Variants in FAM171A1 observed in about 807,000 individuals in gnomAD.
FAM171A1 encodes the protein family with sequence similarity 171 member A1.
Under a neutral mutation model 74.9 loss-of-function variants are expected in FAM171A1, and 23 were observed. That is an observed-to-expected ratio of 0.31 (90% CI 0.22 to 0.44). The LOEUF (loss-of-function observed/expected upper bound fraction) is 0.44, where lower values mean the gene tolerates loss of function less well. Ranked by LOEUF, FAM171A1 falls within the 20% of genes least tolerant of loss-of-function variation. The pLI is 1.00. For missense variants in FAM171A1, 1,162 were observed against 1,159.2 expected (o/e 1.00, Z -0.03); for synonymous variants, 527 against 505.7 (o/e 1.04, Z -0.57).
At chr10:15,274,187 T>A (rs1834863780) in intron 3 of FAM171A1, among the ~76,000 whole-genome samples, 1 of 152,106 alleles carries the variant, frequency 6.6e-6, no homozygotes, top group African/African-American at 2.4e-5. Context: ...TTCAGTAAAG[T>A]CTCAGGACAC....
chr10:15,300,716 A>C (rs79366488), intron 1 of FAM171A1, among the ~76,000 whole-genome samples: 32,749 of 151,360 alleles, frequency 0.22, 3,881 homozygotes, highest in Non-Finnish European at 0.27. Context: ...TTTCTGGCTT[A>C]CTGCTCTGAA....
At position 15,214,029 on chromosome 10, in the gene FAM171A1, T is replaced by C. The variant is rs760487071; in HGVS notation, c.1559A>G (p.Tyr520Cys). 64 of 1,613,988 alleles carry C rather than the reference T, an allele frequency of 4.0e-5. No homozygotes were observed. The highest frequency in any genetic ancestry group is 5.1e-5 in the Non-Finnish European group (60 of 1,180,032). ...TTTCTCAGGTGATGAAGGCGCGGGG[T>C]ACAGATGTTCCTGAATGGTGAGTTT... ...GSKLTIQEHL[Y>C]PAPSSPEKEQ... Residue 520 changes from tyrosine (Y) to cysteine (C), a missense_variant, in exon 8 of 8, where the codon TAC (tyrosine) becomes TGC (cysteine). Tyr to Cys is a radical substitution (Grantham distance 194). Transcript: ENST00000378116.
At chr10:15,322,704 T>G (rs1835500859) in intron 1 of FAM171A1, among the ~76,000 whole-genome samples, 1 of 152,242 alleles carries the variant, frequency 6.6e-6, no homozygotes, top group Non-Finnish European at 1.5e-5. Context: ...TGGGGTCATT[T>G]TGGTAAATTC....
chr10:15,318,964 C>T (rs964150137), intron 1 of FAM171A1, among the ~76,000 whole-genome samples: 1 of 152,154 alleles, frequency 6.6e-6, no homozygotes, highest in African/African-American at 2.4e-5. Flanking sequence ...TGAGAGGGGA[C>T]CAAAGGAGGA....
In FAM171A1 at chr10:15,213,124, GACTCGACC is replaced by G; in HGVS notation, c.2456_2463del (p.Gly819AlafsTer43). On this transcript the variant is annotated frameshift_variant, in exon 8 of 8. Transcript: ENST00000378116. LOFTEE classifies it high-confidence loss of function. The surrounding 1 kb of genome is among the most constrained non-coding windows in gnomAD (Gnocchi z 6.8). ...CTGGGCAGCTGGCCACCACTTCTCCGACTCGACCCCTCCAACAAGCATCGCAGGGCACT... is the reference window on the plus strand; with the variant it reads ...CTGGGCAGCTGGCCACCACTTCTCCGCCTCCAACAAGCATCGCAGGGCACT... 1 of 1,613,882 alleles carries G rather than the reference GACTCGACC, an allele frequency of 6.2e-7. No individual in the cohort carries two copies. Among genetic ancestry groups the G allele is most frequent in the Non-Finnish European group, 8.5e-7 (1 of 1,179,930 alleles).
intron 5 of FAM171A1, among the ~76,000 whole-genome samples, chr10:15,222,043 C>T (rs1237210772): frequency 6.6e-6 from 1 of 152,176 alleles, no homozygotes; most frequent in East Asian, 1.9e-4. Flanking sequence ...TGCTCTGAGG[C>T]CTGCGATGGC....
chr10:15,279,638 G>A (rs890673563), intron 2 of FAM171A1, among the ~76,000 whole-genome samples: 12 of 152,108 alleles, frequency 7.9e-5, no homozygotes, highest in Admixed American at 2.6e-4. Context: ...GAAGTTTGCC[G>A]GCCAGGCTTG....
At chr10:15,304,527 C>T (rs1296180284) in intron 1 of FAM171A1, among the ~76,000 whole-genome samples, 1 of 152,140 alleles carries the variant, frequency 6.6e-6, no homozygotes, top group East Asian at 1.9e-4. Context: ...TTAGCCAACC[C>T]TAAACCTGCT....
chr10:15,346,137 G>C lies in FAM171A1; in HGVS notation c.97+24819C>G, dbSNP rs570766348. ...GTTTGTTTAGAGACAGGGTTGTCTT[G>C]TCACCTAGGCTGGAATGCAGTGATC... On this transcript the variant is annotated intron_variant, in intron 1 of 7. Transcript: ENST00000378116. Among the ~76,000 whole-genome samples the C allele has an allele frequency of 1.1e-3, 168 of 152,266 alleles. No homozygotes were observed. The Middle Eastern group carries it at 0.017, about 15-fold the overall frequency.
At chr10:15,283,132 G>A (rs1564632255) in intron 2 of FAM171A1, among the ~76,000 whole-genome samples, 1 of 152,104 alleles carries the variant, frequency 6.6e-6, no homozygotes, top group East Asian at 1.9e-4. Flanking sequence ...TAGGGAGAGG[G>A]AGTTACAGAG....
intron 1 of FAM171A1, among the ~76,000 whole-genome samples, chr10:15,339,087 C>A (rs544963198): frequency 3.9e-5 from 6 of 152,094 alleles, no homozygotes; most frequent in African/African-American, 1.4e-4. Context: ...TTTTTAAGCT[C>A]GTAAATGACT....
At chr10:15,301,532 C>T (rs1174607984) in intron 1 of FAM171A1, among the ~76,000 whole-genome samples, 1 of 152,024 alleles carries the variant, frequency 6.6e-6, no homozygotes, top group African/African-American at 2.4e-5. Context: ...TAGTGAATAG[C>T]TATGCAAGAC....
intron 1 of FAM171A1, among the ~76,000 whole-genome samples, chr10:15,349,612 G>A (rs773103294): frequency 2.0e-5 from 3 of 152,102 alleles, no homozygotes; most frequent in Non-Finnish European, 2.9e-5. Context: ...TCACTCCTAT[G>A]CCATCAGAAG....
At chr10:15,254,956 T>C in intron 3 of FAM171A1, 77 bp from the exon 4 acceptor site, 1 of 1,439,122 alleles carries the variant, frequency 6.9e-7, no homozygotes, top group South Asian at 1.2e-5. Context: ...AGGAAGTGCC[T>C]CTCTAAGGTT....
chr10:15,295,310 A>C (rs1426680431), intron 1 of FAM171A1, among the ~76,000 whole-genome samples: 1 of 152,158 alleles, frequency 6.6e-6, no homozygotes, highest in East Asian at 1.9e-4. Flanking sequence ...AAACGATAGG[A>C]TGCATTTAGT....
At position 15,248,648 on chromosome 10, in the gene FAM171A1, G is replaced by C; in HGVS notation, c.745C>G (p.Gln249Glu). Residue 249 changes from glutamine to glutamate, a missense_variant, in exon 5 of 8, where the codon CAG (glutamine) becomes GAG (glutamate). Coordinates refer to ENST00000378116, the MANE Select transcript of FAM171A1 (RefSeq NM_001010924.2). The stretch of plus-strand genomic sequence containing the variant: ...CAGAACTCTTGCTTACCCAGCTTCT[G>C]GTCAAACCGCCACGCCGCGACATAG... ...NAYVAAWRFD[Q>E]KLGTWLKSGL... 6.2e-7 allele frequency: 1 copy of C among 1,604,926 alleles called. No individual in the cohort carries two copies. The highest frequency in any genetic ancestry group is 1.1e-5 in the South Asian group (1 of 89,252).
In FAM171A1 at chr10:15,212,601, G is replaced by A. The variant is rs143835228; in HGVS notation, c.*314C>T. 13 of 373,748 alleles carry A rather than the reference G, an allele frequency of 3.5e-5. No individual in the cohort carries two copies. In the Admixed American group the frequency reaches 5.0e-4, roughly 15 times the overall value. The allele number at this position is 373,748 out of a possible 1,614,324, so 23.2% of individuals were successfully genotyped here. ...AATCCGAGGGAGAACTGAGGTGATC[G>A]TTAGAGCATAGCGACATCACGTGCG... On this transcript the variant is annotated 3_prime_UTR_variant, in exon 8 of 8. Transcript: ENST00000378116.
chr10:15,221,796 C>T lies in FAM171A1; in HGVS notation c.755-736G>A, dbSNP rs577025810. Among the ~76,000 whole-genome samples the T allele has an allele frequency of 3.8e-4, 58 of 152,232 alleles. 1 individual carries two copies. In the South Asian group the frequency reaches 4.0e-3, roughly 10 times the overall value. On this transcript the variant is annotated intron_variant, in intron 5 of 7. Coordinates refer to ENST00000378116, the MANE Select transcript of FAM171A1 (RefSeq NM_001010924.2). The stretch of plus-strand genomic sequence containing the variant: ...GTTACAAAACTTTTCCAAGGCCTCT[C>T]GGTGGCTGAGAGCAGAGTGGGAATA...
intron 5 of FAM171A1, among the ~76,000 whole-genome samples, chr10:15,243,655 A>T (rs1051041805): frequency 6.6e-6 from 1 of 152,234 alleles, no homozygotes; most frequent in South Asian, 2.1e-4. Context: ...GAAGCAAAAA[A>T]TAAACAGCAG....
Sources: gnomAD v4.1 joint callset for allele counts (sites outside exome capture counted in the v4.1 genomes callset) on GRCh38, gnomAD v4.1.1 for gene constraint, Gnocchi (gnomAD v3.1) non-coding constraint, MANE v1.5 for transcripts, NCBI Gene and HGNC (gene_info 2026-07-23, HGNC 2026-07-21) for gene names.